TRPV2: variants seen among roughly 807,000 people sequenced by gnomAD.
TRPV2 encodes the protein transient receptor potential cation channel subfamily V member 2.
A neutral mutation model predicts 91.0 loss-of-function variants in TRPV2; 58 were observed. The ratio of observed to expected loss-of-function variants is 0.64; its 90% confidence interval spans 0.52 to 0.79. TRPV2 has a LOEUF of 0.79. Among genes scored for constraint, TRPV2 ranks in the 30% least tolerant of loss-of-function variants. TRPV2 has a pLI of 0.00. For synonymous variants in TRPV2, 417 were observed against 414.8 expected, an observed-to-expected ratio of 1.01 and a Z score of -0.06; for missense variants, 807 against 969.6, an observed-to-expected ratio of 0.83 and a Z score of 2.23.
rs369601352 is a variant in TRPV2, at chr17:16,431,908, C to A, written c.1654+58C>A. ...CCACGTTCCTTGTCCACCCTGTACACTCCCAAGGCTGCCCACCGGTCTCCT... is the reference window on the plus strand; with the variant it reads ...CCACGTTCCTTGTCCACCCTGTACAATCCCAAGGCTGCCCACCGGTCTCCT... On this transcript the variant is annotated intron_variant, in intron 11 of 14. Transcript: ENST00000338560. 4 of 1,613,006 alleles carry A rather than the reference C, an allele frequency of 2.5e-6. No individual in the cohort carries two copies. In the African/African-American group the frequency reaches 5.3e-5, roughly 22 times the overall value.
Position 16,417,837 on chromosome 17 carries a change from A to T in TRPV2, c.169A>T (p.Asn57Tyr), listed in dbSNP as rs1272593130. 4 of 1,614,160 alleles carry T rather than the reference A, an allele frequency of 2.5e-6. No homozygotes were observed. Among genetic ancestry groups the T allele is most frequent in the Non-Finnish European group, 3.4e-6 (4 of 1,179,992 alleles). The change falls in exon 2 of 15, where the codon AAC becomes TAC. Residue 57 changes from asparagine to tyrosine, a missense_variant. Transcript: ENST00000338560. ...DRKFAPQIRV[N>Y]LNYRKGTGAS... ...GAAATTCGCCCCTCAGATAAGAGTC[A>T]ACCTCAACTACCGAAAGGGAACAGG...
chr17:16,419,049 CG>C (rs1212698582), intron 2 of TRPV2, among the ~76,000 whole-genome samples: 1 of 151,176 alleles, frequency 6.6e-6, no homozygotes, highest in Admixed American at 6.6e-5. Context: ...AAAAAAGTGA[CG>C]GATCCCAACA....
chr17:16,434,881 T>G lies in TRPV2; in HGVS notation c.2115-9T>G, dbSNP rs113241865. The stretch of plus-strand genomic sequence containing the variant: ...CAGGCAAACCTCAGAGCTGCTCTGT[T>G]GCCCTCAGGGTGGAGGAGGTGAACT... On this transcript the variant is annotated splice_polypyrimidine_tract_variant and intron_variant, in intron 13 of 14. Coordinates refer to ENST00000338560, the MANE Select transcript of TRPV2 (RefSeq NM_016113.5). 1 of 1,610,486 alleles carries G rather than the reference T, an allele frequency of 6.2e-7. No homozygotes were observed. Among genetic ancestry groups the G allele is most frequent in the East Asian group, 2.2e-5 (1 of 44,700 alleles).
rs1469725071 is a variant in TRPV2 at position 16,432,274 on chromosome 17, G to A, written c.1963G>A (p.Asp655Asn). 2 of 1,608,182 alleles carry A rather than the reference G, an allele frequency of 1.2e-6. No homozygotes were observed. Among genetic ancestry groups the A allele is most frequent in the Middle Eastern group, 1.6e-4 (1 of 6,064 alleles). Residue 655 changes from aspartate to asparagine, a missense_variant, in exon 12 of 15, where the codon GAC (aspartate) becomes AAC (asparagine). Physicochemically the swap from Asp to Asn is conservative, Grantham distance 23 (BLOSUM62 1). Transcript: ENST00000338560. ...CGAGACCGTCAACAGTGTCGCCACT[G>A]ACAGCTGGAGCATCTGGAAGCTGCA... ...MSETVNSVAT[D>N]SWSIWKLQKA...
intron 10 of TRPV2, among the ~76,000 whole-genome samples, chr17:16,429,295 C>T (rs1042834726): frequency 6.6e-6 from 1 of 152,176 alleles, no homozygotes; most frequent in Non-Finnish European, 1.5e-5. Flanking sequence ...GATGTGTGGG[C>T]GCGGGCATGT....
chr17:16,432,439 C>CTGT, intron 12 of TRPV2, 139 bp downstream of exon 12: 2 of 534,734 alleles, frequency 3.7e-6, no homozygotes, highest in Admixed American at 7.2e-5. Context: ...CTTCCTCTTC[C>CTGT]TTTTTTTTTT....
chr17:16,430,490 T>C (rs112419933), intron 10 of TRPV2, among the ~76,000 whole-genome samples: 1 of 150,656 alleles, frequency 6.6e-6, no homozygotes, highest in African/African-American at 2.4e-5. Flanking sequence ...TGCCTTCCTT[T>C]TTTTTTTTTT....
rs561437941 is a variant in TRPV2, at chr17:16,416,938, C to G, written c.-107-624C>G. On this transcript the variant is annotated intron_variant, in intron 1 of 14. Transcript: ENST00000338560. ...ATCTGTTGGAATATTGGCTGCCAGG[C>G]AAGACGTTGTGTAAAGAAAGGGTTG... Among the ~76,000 whole-genome samples, 5 of 152,316 alleles carry G rather than the reference C, an allele frequency of 3.3e-5. No homozygotes were observed. In the South Asian group the frequency reaches 1.0e-3, roughly 32 times the overall value.
rs1568907954 is a variant in TRPV2, at chr17:16,422,685, A to C, written c.421A>C (p.Ile141Leu). The change falls in exon 4 of 15, where the codon ATC (isoleucine) becomes CTC (leucine). Residue 141 changes from isoleucine (I) to leucine (L), a missense_variant. Physicochemically the swap from Ile to Leu is conservative, Grantham distance 5 (BLOSUM62 2). Transcript: ENST00000338560. ...VNACILPLLQ[I>L]DRDSGNPQPL... The stretch of plus-strand genomic sequence containing the variant: ...TGCCTGCATTCTGCCACTGCTGCAG[A>C]TCGACAGGGACTCTGGCAATCCTCA... 1.9e-6 allele frequency: 3 copies of C among 1,612,884 alleles called. No individual in the cohort carries two copies. The highest frequency in any genetic ancestry group is 2.5e-6 in the Non-Finnish European group (3 of 1,179,378).
At chr17:16,434,814 G>T in intron 13 of TRPV2, 76 bp from the exon 14 acceptor site, 1 of 1,435,840 alleles carries the variant, frequency 7.0e-7, no homozygotes, top group South Asian at 1.2e-5. Context: ...CCAATTTGGG[G>T]GGCCACGCCC....
chr17:16,426,388 G>A lies in TRPV2; in HGVS notation c.1095+119G>A, dbSNP rs140491376. 639 of 1,278,674 alleles carry A rather than the reference G, an allele frequency of 5.0e-4. No homozygotes were observed. The African/African-American group carries it at 8.4e-3, about 17-fold the overall frequency. 79.2% of individuals were successfully genotyped at this position (1,278,674 alleles called of 1,614,324 possible). A position where few individuals can be genotyped will look rare whatever the true frequency, so the allele number is the denominator to read the frequency against. On this transcript the variant is annotated intron_variant, in intron 6 of 14. Transcript: ENST00000338560. The surrounding 1 kb of genome is among the most constrained non-coding windows in gnomAD (Gnocchi z 6.0). ...CCATTCCTGTGCCAGTGGGGGTGTG[G>A]CTGCATGTCCCAGCAGGCACGACCC...
At position 16,431,857 on chromosome 17, in the gene TRPV2, G is replaced by A. The variant is rs747857119; in HGVS notation, c.1654+7G>A. ...CTTTTCGGCTTCGCTGTAGGTAAAG[G>A]CTCCCTCCGGCCCCCTCCCCCTTCC... On this transcript the variant is annotated splice_region_variant and intron_variant, in intron 11 of 14. Coordinates refer to ENST00000338560, the MANE Select transcript of TRPV2 (RefSeq NM_016113.5). The A allele has an allele frequency of 1.2e-6, 2 of 1,614,020 alleles. No individual in the cohort carries two copies. Among genetic ancestry groups the A allele is most frequent in the Middle Eastern group, 1.6e-4 (1 of 6,062 alleles).
In TRPV2 at chr17:16,435,131, A is replaced by G. The variant is rs2093429927; in HGVS notation, c.2194+162A>G. On this transcript the variant is annotated intron_variant, in intron 14 of 14. Coordinates refer to ENST00000338560, the MANE Select transcript of TRPV2 (RefSeq NM_016113.5). This position sits in a 1 kb window ranked among gnomAD's most constrained non-coding sequence, Gnocchi z 4.2. ...CTTAGAGGGATTGCCTCCTTAAAACAGTGGTTCCCTCCTTTCCTTTCCACC... is the reference window on the plus strand; with the variant it reads ...CTTAGAGGGATTGCCTCCTTAAAACGGTGGTTCCCTCCTTTCCTTTCCACC... 6.6e-6 allele frequency among the ~76,000 whole-genome samples: 1 copy of G among 151,516 alleles called. No homozygotes were observed. Among genetic ancestry groups the G allele is most frequent in the Non-Finnish European group, 1.5e-5 (1 of 68,020 alleles).
intron 3 of TRPV2, among the ~76,000 whole-genome samples, chr17:16,421,609 C>T (rs2093357718): frequency 1.3e-5 from 2 of 149,178 alleles, no homozygotes; most frequent in Admixed American, 1.3e-4. Flanking sequence ...GCAACCTCTG[C>T]CTCCCGGGTC....
rs777055436 is a variant in TRPV2 at position 16,422,669 on chromosome 17, T to G, written c.405T>G (p.Ile135Met). ...TTAAGGACGGAGTCAATGCCTGCAT[T>G]CTGCCACTGCTGCAGATCGACAGGG... The part of the protein sequence containing the change: ...LNLKDGVNAC[I>M]LPLLQIDRDS... The change falls in exon 4 of 15, where the codon ATT becomes ATG. Residue 135 changes from isoleucine (I) to methionine (M), a missense_variant. Transcript: ENST00000338560. The G allele has an allele frequency of 6.2e-6, 10 of 1,613,814 alleles. No homozygotes were observed. Among genetic ancestry groups the G allele is most frequent in the Non-Finnish European group, 7.6e-6 (9 of 1,179,918 alleles).
chr17:16,427,020 T>C, intron 7 of TRPV2, 143 bp downstream of exon 7: 1 of 912,052 alleles, frequency 1.1e-6, no homozygotes, highest in Non-Finnish European at 1.6e-6. Context: ...ACTGCAGTAC[T>C]AACGGTGATA....
chr17:16,422,982 A>G, intron 4 of TRPV2, 93 bp downstream of exon 4: 1 of 1,436,270 alleles, frequency 7.0e-7, no homozygotes, highest in Non-Finnish European at 9.2e-7. Flanking sequence ...CTGGCAGTTA[A>G]ACCTAGGTTT....
At chr17:16,427,391 G>C (rs2093388350) in intron 7 of TRPV2, 58 bp from the exon 8 acceptor site, 1 of 1,525,606 alleles carries the variant, frequency 6.6e-7, no homozygotes. Flanking sequence ...CAGCTCTGAA[G>C]GGTGAGCTGT....
rs143989580 is a variant in TRPV2, at chr17:16,420,147, G to A, written c.233G>A (p.Arg78Gln). 483 of 1,613,844 alleles carry A rather than the reference G, an allele frequency of 3.0e-4. 5 individuals carry two copies. The East Asian group carries it at 9.9e-3, about 33-fold the overall frequency. The change falls in exon 3 of 15, where the codon CGG (arginine) becomes CAG (glutamine). Residue 78 changes from arginine to glutamine, a missense_variant. By Grantham distance (43) the Arg-to-Gln change is conservative. Coordinates refer to ENST00000338560, the MANE Select transcript of TRPV2 (RefSeq NM_016113.5). ...QPDPNRFDRDRLFNAVSRGVP... is the reference protein window; with the variant it reads ...QPDPNRFDRDQLFNAVSRGVP... ...GATCCAAACCGATTTGACCGAGATC[G>A]GCTCTTCAATGCGGTCTCCCGGGGT...
Sources: gnomAD v4.1 joint callset for allele counts (sites outside exome capture counted in the v4.1 genomes callset) on GRCh38, gnomAD v4.1.1 for gene constraint, Gnocchi (gnomAD v3.1) non-coding constraint, MANE v1.5 for transcripts, NCBI Gene and HGNC (gene_info 2026-07-23, HGNC 2026-07-21) for gene names.